The following CLCN5 variants were observed in gnomAD, a reference collection of about 807,000 sequenced individuals.
The protein encoded by CLCN5 is Cl-/H+ antiporter 5.
In CLCN5, 17 loss-of-function variants were observed where a neutral mutation model predicts 54.0. The observed-to-expected ratio is 0.31, with a 90% CI of 0.22 to 0.47. The LOEUF is 0.47. CLCN5 is among the 20% of genes least tolerant of loss of function. The pLI is 1.00. For synonymous variants in CLCN5, 222 were observed against 233.0 expected (o/e 0.95, Z 0.43); for missense variants, 448 against 646.7 (o/e 0.69, Z 3.33).
intron 3 of CLCN5, among the ~76,000 whole-genome samples, chrX:50,017,257 A>T (rs1930836980): frequency 1.8e-5 from 2 of 111,889 alleles, no homozygotes; most frequent in Admixed American, 1.9e-4. Flanking sequence ...AGTGAACGAG[A>T]GTTCCTGTTA....
At chrX:49,980,477 A>G (rs1221818016) in intron 3 of CLCN5, among the ~76,000 whole-genome samples, 2 of 112,052 alleles carry the variant, frequency 1.8e-5, no homozygotes, top group African/African-American at 3.2e-5. Flanking sequence ...GTTGCCTAAC[A>G]AATAGATTAG....
intron 4 of CLCN5, among the ~76,000 whole-genome samples, chrX:50,046,983 C>T (rs1932416576): frequency 9.0e-6 from 1 of 111,060 alleles, no homozygotes; most frequent in Non-Finnish European, 1.9e-5. Flanking sequence ...CCCCATACTG[C>T]CTGCTGAGTT....
intron 3 of CLCN5, among the ~76,000 whole-genome samples, chrX:49,997,419 C>G (rs1456554339): frequency 9.0e-6 from 1 of 111,292 alleles, no homozygotes; most frequent in Non-Finnish European, 1.9e-5. Flanking sequence ...TTGTAAGTTC[C>G]CACCCTTCAC....
intron 4 of CLCN5, among the ~76,000 whole-genome samples, chrX:50,045,851 C>T (rs1248604796): frequency 9.0e-6 from 1 of 111,619 alleles, no homozygotes; most frequent in East Asian, 2.8e-4. Flanking sequence ...AATGTTTTCA[C>T]ATGGGATTTC....
intron 3 of CLCN5, among the ~76,000 whole-genome samples, chrX:49,992,211 T>C (rs1302840207): frequency 9.4e-6 from 1 of 106,104 alleles, no homozygotes; most frequent in African/African-American, 3.4e-5. Flanking sequence ...TTTTTTTCTT[T>C]TTTTTTTTTT....
intron 12 of CLCN5, 53 bp from the exon 13 acceptor site, chrX:50,090,063 G>T (rs1315947175): frequency 1.7e-6 from 2 of 1,172,238 alleles, no homozygotes; most frequent in Non-Finnish European, 2.3e-6. Flanking sequence ...GCCCATAATT[G>T]TAAGAATCCT....
At chrX:50,073,262 G>A (rs1933287641) in intron 6 of CLCN5, among the ~76,000 whole-genome samples, 1 of 111,992 alleles carries the variant, frequency 8.9e-6, no homozygotes, top group Non-Finnish European at 1.9e-5. Flanking sequence ...TAAGAGGTGT[G>A]TCCTTATGGC....
At chrX:49,971,756 G>T (rs1049020458) in intron 3 of CLCN5, among the ~76,000 whole-genome samples, 1 of 111,936 alleles carries the variant, frequency 8.9e-6, no homozygotes. Flanking sequence ...TCAATGCTCA[G>T]ATACCACCTG....
intron 3 of CLCN5, among the ~76,000 whole-genome samples, chrX:49,981,494 T>C (rs1304571398): frequency 9.0e-6 from 1 of 111,577 alleles, no homozygotes; most frequent in Non-Finnish European, 1.9e-5. Context: ...GAAAATACTA[T>C]GGATATTTTC....
chrX:50,063,420 G>T (rs1440181984), intron 4 of CLCN5, among the ~76,000 whole-genome samples: 1 of 108,356 alleles, frequency 9.2e-6, no homozygotes, highest in African/African-American at 3.6e-5. Context: ...ACAAATGGAT[G>T]CATTCCTCGA....
intron 3 of CLCN5, among the ~76,000 whole-genome samples, chrX:49,961,068 T>C (rs1309143507): frequency 8.9e-6 from 1 of 111,778 alleles, no homozygotes; most frequent in Non-Finnish European, 1.9e-5. Flanking sequence ...AAGACGTGTG[T>C]GTCCACGCAC....
chrX:50,092,499 A>AT lies in CLCN5; in HGVS notation c.*287dup, dbSNP rs1479193952. 3 of 309,262 alleles carry AT rather than the reference A, an allele frequency of 9.7e-6. No individual in the cohort carries two copies. The highest frequency in any genetic ancestry group is 2.6e-5 in the African/African-American group (1 of 37,961). The allele number at this position is 309,262 out of a possible 1,213,427, so 25.5% of individuals were successfully genotyped here. A position where few individuals can be genotyped will look rare whatever the true frequency, so the allele number is the denominator to read the frequency against. Reference sequence around the variant, plus strand: ...TTTAATTATATTTGCTTTTTAAAAGATTTTTTTAACTTAAAAAGTAGTTAG... The same window carrying AT: ...TTTAATTATATTTGCTTTTTAAAAGATTTTTTTTAACTTAAAAAGTAGTTAG... On this transcript the variant is annotated 3_prime_UTR_variant, in exon 15 of 15. Transcript: ENST00000376091.
intron 4 of CLCN5, among the ~76,000 whole-genome samples, chrX:50,066,880 A>C (rs1277952711): frequency 1.8e-5 from 2 of 111,470 alleles, no homozygotes; most frequent in Non-Finnish European, 3.8e-5. Context: ...AGTTCATATG[A>C]AGTTTAGTTT....
intron 3 of CLCN5, among the ~76,000 whole-genome samples, chrX:49,961,628 A>G (rs1557174700): frequency 1.8e-5 from 2 of 111,927 alleles, no homozygotes. Flanking sequence ...TTGCTGTTTC[A>G]AGCATCCTAA....
intron 4 of CLCN5, among the ~76,000 whole-genome samples, chrX:50,047,734 T>G (rs1006987309): frequency 2.7e-5 from 3 of 111,720 alleles, no homozygotes; most frequent in African/African-American, 9.8e-5. Context: ...CCTTAACAGT[T>G]TTGAAGAGTA....
intron 3 of CLCN5, chrX:50,008,398 C>A: frequency 3.1e-6 from 1 of 323,869 alleles, no homozygotes; most frequent in Non-Finnish European, 6.6e-6. Context: ...AGAATGAGCC[C>A]TCTCACTGAA....
chrX:49,969,647 T>A (rs782789923), intron 3 of CLCN5, among the ~76,000 whole-genome samples: 2 of 112,046 alleles, frequency 1.8e-5, no homozygotes, highest in East Asian at 5.6e-4. Context: ...TAGTTTGGGT[T>A]CTTTTAAATT....
intron 9 of CLCN5, among the ~76,000 whole-genome samples, chrX:50,082,459 C>T (rs1208549816): frequency 6.4e-5 from 7 of 109,513 alleles, no homozygotes; most frequent in Admixed American, 9.8e-5. Flanking sequence ...ACTACAGGCA[C>T]GCACCACCAA....
intron 3 of CLCN5, among the ~76,000 whole-genome samples, chrX:49,977,649 C>CTTAA (rs782167930): frequency 1.5e-3 from 171 of 111,857 alleles, no homozygotes; most frequent in Non-Finnish European, 5.1e-4. Context: ...ATATGAGGAC[C>CTTAA]ATAAGGGGAC....
Sources: gnomAD v4.1 joint callset for allele counts (sites outside exome capture counted in the v4.1 genomes callset) on GRCh38, gnomAD v4.1.1 for gene constraint, MANE v1.5 for transcripts, NCBI Gene and HGNC (gene_info 2026-07-23, HGNC 2026-07-21) for gene names.